The following SYTL2 variants were observed in gnomAD, a reference collection of about 807,000 sequenced individuals.
SYTL2 encodes synaptotagmin like 2.
In SYTL2, 165 loss-of-function variants were observed where a neutral mutation model predicts 198.7. The observed-to-expected ratio is 0.83, with a 90% CI of 0.73 to 0.94. SYTL2 has a LOEUF of 0.94. Among genes scored for constraint, SYTL2 ranks in the 40% least tolerant of loss-of-function variants. The pLI is 0.00. For synonymous variants in SYTL2, 966 were observed against 917.7 expected, an observed-to-expected ratio of 1.05 and a Z score of -0.95; for missense variants, 2,835 against 2,582.8, an observed-to-expected ratio of 1.10 and a Z score of -2.12.
At chr11:85,795,276 T>G (rs796308568) in intron 1 of SYTL2, among the ~76,000 whole-genome samples, 14 of 152,280 alleles carry the variant, frequency 9.2e-5, no homozygotes, top group Admixed American at 3.9e-4. Flanking sequence ...GCTTGCATTT[T>G]ATTTTCTGAA....
chr11:85,717,860 A>G (rs766882729), intron 10 of SYTL2: 5 of 376,858 alleles, frequency 1.3e-5, no homozygotes, highest in African/African-American at 4.2e-5. Context: ...GTGACTGACT[A>G]ACTATAGGAT....
intron 13 of SYTL2, 103 bp downstream of exon 13, chr11:85,711,010 C>T: frequency 1.6e-6 from 2 of 1,286,228 alleles, no homozygotes; most frequent in East Asian, 2.4e-5. Flanking sequence ...CTGTTTGTGC[C>T]CTGAGAAATA....
rs758457354 is a variant in SYTL2 at position 85,734,375 on chromosome 11, T to C, written c.954A>G (p.Leu318=). The C allele has an allele frequency of 7.4e-6, 12 of 1,614,106 alleles. No individual in the cohort carries two copies. The South Asian group carries it at 1.2e-4, about 16-fold the overall frequency. Residue 318 remains leucine, a synonymous_variant, in exon 7 of 20, where the codon TTA becomes TTG. Transcript: ENST00000359152. ...HERISEKEHS[L]EDNSSPNSLE... ...GGGAGTTTGGGGAAGAGTTGTCTTC[T>C]AAAGAATGCTCCTTCTCAGAAATTC...
rs201389700 is a variant in SYTL2 at position 85,745,646 on chromosome 11, G to A, written c.380C>T (p.Ala127Val). 3.1e-6 allele frequency: 5 copies of A among 1,612,782 alleles called. No homozygotes were observed. The highest frequency in any genetic ancestry group is 1.7e-5 in the Admixed American group (1 of 59,998). The change falls in exon 4 of 20, where the codon GCA (alanine) becomes GTA (valine). Residue 127 changes from alanine to valine, a missense_variant. Around this residue, in one of 3 missense-constraint regions of SYTL2, gnomAD observed 2,645 missense variants for 2,381.7 expected, o/e 1.11. Transcript: ENST00000359152. ...AGAAGCTTTGCCTTACCTCGGGCTT[G>A]CTGGTGCTGCATCTTCTTCTGGCTC... ...VEEPEEDAAP[A>V]SPSSSVVNPA...
chr11:85,745,633 T>C lies in SYTL2; in HGVS notation c.389+4A>G, dbSNP rs2091099655. On this transcript the variant is annotated splice_donor_region_variant and intron_variant, in intron 4 of 19. Transcript: ENST00000359152. Reference sequence around the variant, plus strand: ...AGCAGCTCTCCCCAGAAGCTTTGCCTTACCTCGGGCTTGCTGGTGCTGCAT... The same window carrying C: ...AGCAGCTCTCCCCAGAAGCTTTGCCCTACCTCGGGCTTGCTGGTGCTGCAT... 1 of 1,611,598 alleles carries C rather than the reference T, an allele frequency of 6.2e-7. No individual in the cohort carries two copies. The highest frequency in any genetic ancestry group is 2.2e-5 in the East Asian group (1 of 44,832).
intron 1 of SYTL2, among the ~76,000 whole-genome samples, chr11:85,760,310 C>T (rs1033248292): frequency 1.3e-5 from 2 of 152,170 alleles, no homozygotes; most frequent in East Asian, 1.9e-4. Flanking sequence ...AGTTGTTATA[C>T]GATACTCCCG....
chr11:85,696,505 T>C, intron 18 of SYTL2, 117 bp from the exon 19 acceptor site: 1 of 861,744 alleles, frequency 1.2e-6, no homozygotes, highest in Non-Finnish European at 1.9e-6. Flanking sequence ...TGTGGAGAGA[T>C]AGTGGTGGTG....
At chr11:85,711,826 C>T (rs942597668) in intron 12 of SYTL2, among the ~76,000 whole-genome samples, 2 of 151,954 alleles carry the variant, frequency 1.3e-5, no homozygotes, top group Non-Finnish European at 2.9e-5. Flanking sequence ...TTATGCTTAT[C>T]TTTTTGTTCC....
chr11:85,816,844 G>A, the SYTL2 span, among the ~76,000 whole-genome samples: 1 of 146,956 alleles, frequency 6.8e-6, no homozygotes, highest in South Asian at 2.1e-4. Context: ...AGCCCAGGAG[G>A]TCAAGGCTAC....
chr11:85,714,580 A>G lies in SYTL2; in HGVS notation c.5531-73T>C, dbSNP rs962309927. The G allele has an allele frequency of 1.2e-5, 18 of 1,558,634 alleles. No individual in the cohort carries two copies. In the African/African-American group the frequency reaches 2.2e-4, roughly 19 times the overall value. On this transcript the variant is annotated intron_variant, in intron 11 of 19. Coordinates refer to ENST00000359152, the MANE Select transcript of SYTL2 (RefSeq NM_206927.4). ...AAACATTAGACATTAAGTTGAAAAC[A>G]TACTTTTATTTAATCTATGAACAAA...
chr11:85,806,313 T>C (rs1482242217), intron 1 of SYTL2, among the ~76,000 whole-genome samples: 1 of 152,162 alleles, frequency 6.6e-6, no homozygotes, highest in Non-Finnish European at 1.5e-5. Flanking sequence ...CCCTCTCCAG[T>C]TCTGAGCCAC....
the SYTL2 span, among the ~76,000 whole-genome samples, chr11:85,830,041 T>C: frequency 6.6e-6 from 1 of 152,216 alleles, no homozygotes; most frequent in Non-Finnish European, 1.5e-5. Flanking sequence ...TTATACACAG[T>C]TAACTACCCT....
rs763168386 is a variant in SYTL2 at position 85,734,456 on chromosome 11, A to T, written c.873T>A (p.Asn291Lys). 1.2e-6 allele frequency: 2 copies of T among 1,614,164 alleles called. No individual in the cohort carries two copies. The highest frequency in any genetic ancestry group is 1.7e-6 in the Non-Finnish European group (2 of 1,180,030). ...TTTTGCTTTTGGGTTCAAAGTTGTG[A>T]TTATAACGAAGGGTTTCTGAGTCTG... ...SSTDSETLRY[N>K]HNFEPKSKIV... Residue 291 changes from asparagine to lysine, a missense_variant, in exon 7 of 20, where the codon AAT becomes AAA. Physicochemically the swap from Asn to Lys is moderately conservative, Grantham distance 94 (BLOSUM62 0). This residue lies in a region of SYTL2 where 2,645 missense variants were observed against 2,381.7 expected (regional missense o/e 1.11). Transcript: ENST00000359152.
the SYTL2 span, among the ~76,000 whole-genome samples, chr11:85,841,978 C>A: frequency 6.6e-6 from 1 of 152,154 alleles, no homozygotes; most frequent in Non-Finnish European, 1.5e-5. Flanking sequence ...AAAGAATAAT[C>A]ATTTATTCAT....
At chr11:85,733,771 T>C (rs1359063277) in intron 7 of SYTL2, 168 bp downstream of exon 7, 3 of 552,804 alleles carry the variant, frequency 5.4e-6, no homozygotes, top group East Asian at 6.2e-5. Context: ...GGCTAATTTT[T>C]TGTATTTTTA....
chr11:85,833,366 G>C, the SYTL2 span, among the ~76,000 whole-genome samples: 1 of 145,682 alleles, frequency 6.9e-6, no homozygotes, highest in Non-Finnish European at 1.5e-5. Flanking sequence ...ATATATATGA[G>C]ATATATGATA....
chr11:85,711,094 G>A lies in SYTL2; in HGVS notation c.5745+19C>T. 6.2e-7 allele frequency: 1 copy of A among 1,613,046 alleles called. No individual in the cohort carries two copies. The highest frequency in any genetic ancestry group is 1.1e-5 in the South Asian group (1 of 90,962). On this transcript the variant is annotated intron_variant, in intron 13 of 19. Transcript: ENST00000359152. ...CAGAGACGCGGAGAGATATTAATAT[G>A]GAGCCTTTGTTTACATACAGAAGAC...
chr11:85,739,827 G>A (rs7115189), intron 4 of SYTL2, among the ~76,000 whole-genome samples: 8,420 of 152,192 alleles, frequency 0.055, 759 homozygotes, highest in African/African-American at 0.19. Context: ...AGACAATCAT[G>A]GTAATGGCTA....
chr11:85,772,976 G>A (rs895724850), intron 1 of SYTL2, among the ~76,000 whole-genome samples: 1 of 152,110 alleles, frequency 6.6e-6, no homozygotes, highest in African/African-American at 2.4e-5. Context: ...ATAAATCCTT[G>A]GCCAAATGTT....
Sources: allele counts gnomAD v4.1 joint callset (sites outside exome capture counted in the v4.1 genomes callset), GRCh38; gene constraint gnomAD v4.1.1; regional missense constraint gnomAD v4.1.1; transcripts MANE v1.5; gene names NCBI Gene and HGNC (gene_info 2026-07-23, HGNC 2026-07-21).